WTIP: variants seen among roughly 807,000 people sequenced by gnomAD.
The protein encoded by WTIP is WT1 interacting protein.
Under a neutral mutation model 41.7 loss-of-function variants are expected in WTIP, and 23 were observed. The observed-to-expected ratio is 0.55, with a 90% confidence interval of 0.40 to 0.78. The LOEUF is 0.78. WTIP is among the 30% of genes least tolerant of loss of function. The pLI, the probability that WTIP is intolerant of heterozygous loss-of-function variation, is 0.00. For synonymous variants in WTIP, 314 were observed against 269.9 expected (o/e 1.16, Z -1.60); for missense variants, 619 against 610.5 (o/e 1.01, Z -0.15).
rs1235481543 is a variant in WTIP, at chr19:34,500,273, G to A, written c.*4G>A. 6.2e-7 allele frequency: 1 copy of A among 1,603,760 alleles called. No homozygotes were observed. The highest frequency in any genetic ancestry group is 8.5e-7 in the Non-Finnish European group (1 of 1,177,196). ...TGTGCACGTCACTGAGCTCTGAGCAGGGGAAAACCCGTCCCTGGGCCGGGG... is the reference window on the plus strand; with the variant it reads ...TGTGCACGTCACTGAGCTCTGAGCAAGGGAAAACCCGTCCCTGGGCCGGGG... On this transcript the variant is annotated 3_prime_UTR_variant, in exon 8 of 8. Coordinates refer to ENST00000590071, the MANE Select transcript of WTIP (RefSeq NM_001080436.2).
chr19:34,508,439 G>A lies in WTIP; in HGVS notation c.*8170G>A, dbSNP rs1429171808. 4 of 152,274 alleles carry A rather than the reference G, an allele frequency of 2.6e-5. No individual in the cohort carries two copies. In the East Asian group the frequency reaches 7.8e-4, roughly 30 times the overall value. The allele number at this position is 152,274 out of a possible 1,614,324, so 9.4% of individuals were successfully genotyped here. A position where few individuals can be genotyped will look rare whatever the true frequency, so the allele number is the denominator to read the frequency against. On this transcript the variant is annotated 3_prime_UTR_variant, in exon 8 of 8. Coordinates refer to ENST00000590071, the MANE Select transcript of WTIP (RefSeq NM_001080436.2). ...TGGTCACCAGAAGGAGGGGACATGA[G>A]TGAAGGTCCCAGTCCACCCTATGCA...
At chr19:34,496,291 C>T (rs2075853112) in intron 7 of WTIP, among the ~76,000 whole-genome samples, 1 of 152,234 alleles carries the variant, frequency 6.6e-6, no homozygotes, top group Non-Finnish European at 1.5e-5. Flanking sequence ...TTATCTCAAC[C>T]TCCTGAGTAG....
chr19:34,499,529 CAAAA>C (rs1004455084), intron 7 of WTIP, among the ~76,000 whole-genome samples: 5 of 151,904 alleles, frequency 3.3e-5, no homozygotes, highest in African/African-American at 7.3e-5. Context: ...AACGAATAAA[CAAAA>C]AACACCCAAA....
At position 34,507,872 on chromosome 19, in the gene WTIP, T is replaced by A. The variant is rs2075919131; in HGVS notation, c.*7603T>A. The A allele has an allele frequency of 6.6e-6, 1 of 152,160 alleles. No homozygotes were observed. The highest frequency in any genetic ancestry group is 1.5e-5 in the Non-Finnish European group (1 of 68,032). The allele number at this position is 152,160 out of a possible 1,614,324, so 9.4% of individuals were successfully genotyped here. On this transcript the variant is annotated 3_prime_UTR_variant, in exon 8 of 8. Coordinates refer to ENST00000590071, the MANE Select transcript of WTIP (RefSeq NM_001080436.2). ...CAGCCTCCAGTCCTGGTCCCACACA[T>A]CTCCTGGAGCAGAGCCTGATTCCCA...
chr19:34,495,596 G>T, intron 6 of WTIP, 107 bp from the exon 7 acceptor site: 1 of 1,295,000 alleles, frequency 7.7e-7, no homozygotes. Flanking sequence ...CGGGGCGGGC[G>T]TGCACCTCCG....
At chr19:34,498,517 C>A (rs1441819973) in intron 7 of WTIP, 1 of 152,388 alleles carries the variant, frequency 6.6e-6, no homozygotes, top group South Asian at 2.1e-4. Context: ...TCTCTTCCCA[C>A]CTCCTCATGG....
intron 2 of WTIP, among the ~76,000 whole-genome samples, chr19:34,491,584 A>G (rs561159011): frequency 1.3e-5 from 2 of 152,150 alleles, no homozygotes; most frequent in Non-Finnish European, 2.9e-5. Flanking sequence ...GGCCTCCCAC[A>G]GTGCTGGGAT....
At chr19:34,496,397 C>T (rs913869932) in intron 7 of WTIP, among the ~76,000 whole-genome samples, 2 of 152,140 alleles carry the variant, frequency 1.3e-5, no homozygotes, top group Non-Finnish European at 2.9e-5. Context: ...TCTTGAACTC[C>T]TGGGCTCAAG....
intron 7 of WTIP, among the ~76,000 whole-genome samples, chr19:34,497,455 C>T (rs932569559): frequency 2.0e-5 from 3 of 152,148 alleles, no homozygotes; most frequent in Non-Finnish European, 4.4e-5. Context: ...GCAAGGGTCC[C>T]ATGATGGACA....
At position 34,505,894 on chromosome 19, in the gene WTIP, C is replaced by T. The variant is rs911048118; in HGVS notation, c.*5625C>T. On this transcript the variant is annotated 3_prime_UTR_variant, in exon 8 of 8. Coordinates refer to ENST00000590071, the MANE Select transcript of WTIP (RefSeq NM_001080436.2). The stretch of plus-strand genomic sequence containing the variant: ...TCCCACACTGTCCCGGAGCCTCCAT[C>T]TCCACCTGAGCCAGCTGGGTTGATG... 1.0e-4 allele frequency: 16 copies of T among 152,446 alleles called. No homozygotes were observed. The highest frequency in any genetic ancestry group is 3.9e-4 in the African/African-American group (16 of 41,452). The allele number at this position is 152,446 out of a possible 1,614,324, so 9.4% of individuals were successfully genotyped here.
chr19:34,494,947 C>T, intron 6 of WTIP, among the ~76,000 whole-genome samples: 1 of 152,188 alleles, frequency 6.6e-6, no homozygotes, highest in East Asian at 1.9e-4. Flanking sequence ...GGTGGGGGTG[C>T]TGGGGGAGCA....
intron 2 of WTIP, among the ~76,000 whole-genome samples, chr19:34,490,790 C>T (rs1228123345): frequency 6.6e-6 from 1 of 152,168 alleles, no homozygotes; most frequent in Non-Finnish European, 1.5e-5. Context: ...CCTGTCTGGA[C>T]ATACGACTAA....
At chr19:34,495,514 C>A (rs1317187213) in intron 6 of WTIP, among the ~76,000 whole-genome samples, 189 bp from the exon 7 acceptor site, 1 of 152,216 alleles carries the variant, frequency 6.6e-6, no homozygotes. Flanking sequence ...ACGCCTAAGG[C>A]CCGCATGTGT....
chr19:34,492,903 A>C, intron 2 of WTIP, 134 bp from the exon 3 acceptor site: 2 of 765,554 alleles, frequency 2.6e-6, no homozygotes, highest in Non-Finnish European at 4.4e-6. Flanking sequence ...ACAACATAAT[A>C]TTAAAGGGAA....
intron 1 of WTIP, among the ~76,000 whole-genome samples, chr19:34,485,423 GA>G (rs2075792400): frequency 6.6e-6 from 1 of 152,130 alleles, no homozygotes; most frequent in Non-Finnish European, 1.5e-5. Context: ...CTATTTGTTT[GA>G]ACTATATGGT....
intron 1 of WTIP, among the ~76,000 whole-genome samples, chr19:34,487,671 G>A (rs2075804502): frequency 1.3e-5 from 2 of 152,230 alleles, no homozygotes; most frequent in South Asian, 4.1e-4. Context: ...GAAAGGCGGG[G>A]AATGGGGCGG....
chr19:34,500,067 C>T (rs2075876254), intron 7 of WTIP, 62 bp from the exon 8 acceptor site: 2 of 1,571,844 alleles, frequency 1.3e-6, no homozygotes, highest in Non-Finnish European at 8.6e-7. Flanking sequence ...CTCCCCCGTC[C>T]CGTGACCTCT....
chr19:34,487,259 G>T (rs1398594717), intron 1 of WTIP, among the ~76,000 whole-genome samples: 1 of 151,808 alleles, frequency 6.6e-6, no homozygotes, highest in Non-Finnish European at 1.5e-5. Context: ...CCACCACCAC[G>T]CCCGGCTAAT....
intron 2 of WTIP, among the ~76,000 whole-genome samples, 156 bp from the exon 3 acceptor site, chr19:34,492,881 A>G (rs976829428): frequency 6.6e-6 from 1 of 152,064 alleles, no homozygotes; most frequent in Non-Finnish European, 1.5e-5. Context: ...AAATTTTGTT[A>G]TTATAACAAT....
Sources: allele counts gnomAD v4.1 joint callset (sites outside exome capture counted in the v4.1 genomes callset), GRCh38; gene constraint gnomAD v4.1.1; transcripts MANE v1.5; gene names NCBI Gene and HGNC (gene_info 2026-07-23, HGNC 2026-07-21).